RBMS1: variants seen among roughly 807,000 people sequenced by gnomAD.
RBMS1 encodes the protein RNA binding motif single stranded interacting protein 1, also known as RNA-binding motif, single-stranded-interacting protein 1.
Under a neutral mutation model 62.3 loss-of-function variants are expected in RBMS1, and 17 were observed. The ratio of observed to expected loss-of-function variants is 0.27; its 90% CI spans 0.19 to 0.41. The LOEUF is 0.41. Among genes scored for constraint, RBMS1 ranks in the 10% least tolerant of loss-of-function variants. The pLI is 1.00. For synonymous variants in RBMS1, 172 were observed against 170.0 expected (o/e 1.01, Z -0.09); for missense variants, 334 against 504.5 (o/e 0.66, Z 3.24).
chr2:160,432,182 A>C (rs974379421), intron 1 of RBMS1, among the ~76,000 whole-genome samples: 6 of 152,224 alleles, frequency 3.9e-5, no homozygotes, highest in African/African-American at 1.4e-4. Flanking sequence ...TGACAGTTTC[A>C]GTAAGAAAAA....
chr2:160,484,087 C>A (rs1047614478), intron 1 of RBMS1, among the ~76,000 whole-genome samples: 1 of 151,522 alleles, frequency 6.6e-6, no homozygotes, highest in Non-Finnish European at 1.5e-5. Flanking sequence ...AATCCTCCCC[C>A]ATCGGCCTCC....
intron 2 of RBMS1, among the ~76,000 whole-genome samples, chr2:160,322,501 C>T (rs1011931890): frequency 6.6e-6 from 1 of 152,210 alleles, no homozygotes. Flanking sequence ...GTTTTACTTT[C>T]TATTGTGGTT....
chr2:160,291,066 G>A (rs1232548806), intron 6 of RBMS1, among the ~76,000 whole-genome samples: 1 of 152,176 alleles, frequency 6.6e-6, no homozygotes, highest in African/African-American at 2.4e-5. Flanking sequence ...CTCTGAGTAA[G>A]CACTGTAGCT....
chr2:160,475,693 G>C (rs1685093659), intron 1 of RBMS1, among the ~76,000 whole-genome samples: 1 of 152,166 alleles, frequency 6.6e-6, no homozygotes, highest in African/African-American at 2.4e-5. Context: ...ATTCTTGTCA[G>C]ACACAGTTTT....
At chr2:160,375,844 T>C (rs1693966919) in intron 1 of RBMS1, among the ~76,000 whole-genome samples, 1 of 151,346 alleles carries the variant, frequency 6.6e-6, no homozygotes, top group Non-Finnish European at 1.5e-5. Flanking sequence ...CACAGAGCCT[T>C]GTGAAGGGGA....
intron 2 of RBMS1, among the ~76,000 whole-genome samples, chr2:160,363,321 G>A (rs1693228526): frequency 6.6e-6 from 1 of 152,166 alleles, no homozygotes; most frequent in Admixed American, 6.6e-5. Context: ...CAGGCACTTG[G>A]AGAACAGAAC....
At chr2:160,334,141 T>TA (rs1691433618) in intron 2 of RBMS1, among the ~76,000 whole-genome samples, 1 of 152,180 alleles carries the variant, frequency 6.6e-6, no homozygotes, top group African/African-American at 2.4e-5. Flanking sequence ...CTATAGTACT[T>TA]AAAGATTTCC....
intron 6 of RBMS1, among the ~76,000 whole-genome samples, chr2:160,287,915 A>G (rs1392608572): frequency 1.3e-5 from 2 of 150,490 alleles, no homozygotes; most frequent in African/African-American, 2.4e-5. Flanking sequence ...TATTATTACT[A>G]TATTACTTAT....
chr2:160,427,131 A>G (rs554923417), intron 1 of RBMS1, among the ~76,000 whole-genome samples: 24 of 152,196 alleles, frequency 1.6e-4, no homozygotes, highest in Non-Finnish European at 2.9e-4. Context: ...CATAAAGAAA[A>G]CAGAAGATTC....
At chr2:160,486,113 A>T (rs1685591786) in intron 1 of RBMS1, among the ~76,000 whole-genome samples, 1 of 152,310 alleles carries the variant, frequency 6.6e-6, no homozygotes, top group South Asian at 2.1e-4. Flanking sequence ...TCTACTGGTA[A>T]GGGAGGGTTT....
At chr2:160,475,841 G>A (rs796814616) in intron 1 of RBMS1, among the ~76,000 whole-genome samples, 1 of 147,604 alleles carries the variant, frequency 6.8e-6, no homozygotes, top group African/African-American at 2.5e-5. Context: ...TATACTAATA[G>A]AGTAGAATGG....
chr2:160,301,170 A>G (rs1463159875), intron 5 of RBMS1, among the ~76,000 whole-genome samples: 1 of 152,218 alleles, frequency 6.6e-6, no homozygotes, highest in African/African-American at 2.4e-5. Context: ...GACAGACTAA[A>G]AAGTCATGAT....
intron 1 of RBMS1, among the ~76,000 whole-genome samples, chr2:160,475,779 A>T (rs1242158033): frequency 6.6e-6 from 1 of 152,074 alleles, no homozygotes; most frequent in Non-Finnish European, 1.5e-5. Flanking sequence ...GCTTTTTAAA[A>T]TTTAATTGCT....
chr2:160,462,033 A>AG (rs201502680), intron 1 of RBMS1, among the ~76,000 whole-genome samples: 4,663 of 152,304 alleles, frequency 0.031, 219 homozygotes, highest in African/African-American at 0.1. Flanking sequence ...GCCCTGAACA[A>AG]CAGACAGCAC....
chr2:160,287,224 C>T (rs1202020394), intron 6 of RBMS1, 140 bp from the exon 7 acceptor site: 3 of 1,086,110 alleles, frequency 2.8e-6, no homozygotes, highest in Non-Finnish European at 4.0e-6. Flanking sequence ...TTTACTCAGA[C>T]CTTTGTAAAA....
intron 1 of RBMS1, among the ~76,000 whole-genome samples, chr2:160,408,864 C>G (rs1375147372): frequency 1.3e-5 from 2 of 152,332 alleles, no homozygotes; most frequent in South Asian, 4.1e-4. Context: ...ACGGGCTTGC[C>G]ATCCTTCACA....
At chr2:160,281,530 T>C (rs1174922818) in intron 9 of RBMS1, 166 bp from the exon 10 acceptor site, 8 of 572,344 alleles carry the variant, frequency 1.4e-5, no homozygotes, top group Non-Finnish European at 2.5e-5. Flanking sequence ...GGCAAACTGG[T>C]CACTCTGAAC....
At chr2:160,379,681 T>C (rs1694180020) in intron 1 of RBMS1, among the ~76,000 whole-genome samples, 1 of 152,250 alleles carries the variant, frequency 6.6e-6, no homozygotes, top group Admixed American at 6.5e-5. Context: ...AATATTCTAT[T>C]TGGAGTAGGA....
chr2:160,341,716 C>T (rs551057869), intron 2 of RBMS1, among the ~76,000 whole-genome samples: 13 of 152,238 alleles, frequency 8.5e-5, no homozygotes, highest in African/African-American at 3.1e-4. Context: ...GCTGTGCTAC[C>T]ATCTGTTTTA....
Sources: allele counts gnomAD v4.1 joint callset (sites outside exome capture counted in the v4.1 genomes callset), GRCh38; gene constraint gnomAD v4.1.1; transcripts MANE v1.5; gene names NCBI Gene and HGNC (gene_info 2026-07-23, HGNC 2026-07-21).